ANKS1B: variants seen among roughly 807,000 people sequenced by gnomAD.
ANKS1B encodes ankyrin repeat and sterile alpha motif domain-containing protein 1B.
In ANKS1B, 36 loss-of-function variants were observed where a neutral mutation model predicts 148.3. That is an observed-to-expected ratio of 0.24 (90% CI 0.19 to 0.32). The LOEUF is 0.32. Among genes scored for constraint, ANKS1B ranks in the 10% least tolerant of loss-of-function variants. The probability of loss-of-function intolerance (pLI) is 1.00; values close to 1 mark genes in which losing one functional copy is unlikely to be tolerated. For missense variants in ANKS1B, 1,157 were observed against 1,542.6 expected, an observed-to-expected ratio of 0.75 and a Z score of 4.19; for synonymous variants, 542 against 560.8, an observed-to-expected ratio of 0.97 and a Z score of 0.47.
chr12:99,782,550 C>T (rs2064461732), intron 4 of ANKS1B, among the ~76,000 whole-genome samples: 1 of 151,876 alleles, frequency 6.6e-6, no homozygotes, highest in Admixed American at 6.6e-5. Context: ...CAGAGTGGGA[C>T]TCCATCTCAA....
chr12:99,660,651 C>T (rs1162677968), intron 8 of ANKS1B, among the ~76,000 whole-genome samples: 5 of 152,138 alleles, frequency 3.3e-5, no homozygotes, highest in Non-Finnish European at 1.5e-5. Flanking sequence ...GCATGGGCCA[C>T]CGTGCCTGGC....
chr12:99,154,372 C>CTGT lies in ANKS1B; in HGVS notation c.2440_2442dup (p.Thr814dup). The CTGT allele has an allele frequency of 6.2e-7, 1 of 1,613,746 alleles. No homozygotes were observed. The highest frequency in any genetic ancestry group is 8.5e-7 in the Non-Finnish European group (1 of 1,179,730). On this transcript the variant is annotated inframe_insertion, in exon 15 of 27. Transcript: ENST00000683438. ...CCAATGCTTTCCAACCATTGTCCCA[C>CTGT]TGTTTGGACAGGGCATCTGGGTCCT...
chr12:99,392,485 C>T (rs887257631), intron 12 of ANKS1B, among the ~76,000 whole-genome samples: 1 of 152,220 alleles, frequency 6.6e-6, no homozygotes, highest in Admixed American at 6.5e-5. Flanking sequence ...TTTCTCCTCC[C>T]ATCAGTTTTC....
rs148215941 is a variant in ANKS1B, at chr12:99,728,528, G to T, written c.1128+44394C>A. On this transcript the variant is annotated intron_variant, in intron 8 of 26. Coordinates refer to ENST00000683438, the MANE Select transcript of ANKS1B (RefSeq NM_001352186.2). ...AGGAACACTTTTACACTGTTGGTGG[G>T]AATGTAAATTAGTCCAACCATTGTG... Among the ~76,000 whole-genome samples the T allele has an allele frequency of 8.2e-3, 1,242 of 152,300 alleles. 19 individuals carry two copies. Among genetic ancestry groups the T allele is most frequent in the African/African-American group, 0.028 (1,183 of 41,564 alleles).
chr12:98,781,174 A>T lies in ANKS1B; in HGVS notation c.3384T>A (p.Pro1128=). The T allele has an allele frequency of 6.3e-7, 1 of 1,586,924 alleles. No homozygotes were observed. Among genetic ancestry groups the T allele is most frequent in the African/African-American group, 1.3e-5 (1 of 74,684 alleles). ...TATATGAGACAGAAAGAATAATAGT[A>T]GGGACCTTCTTCATTTGCTCTGTAG... ...QKSTEQMKKV[P]TIILSVSYKG... Residue 1128 remains proline (P), a synonymous_variant, in exon 24 of 27, where the codon CCT becomes CCA. Coordinates refer to ENST00000683438, the MANE Select transcript of ANKS1B (RefSeq NM_001352186.2).
In ANKS1B at chr12:99,928,967, G is replaced by A. The variant is rs920120376; in HGVS notation, c.134+55137C>T. ...GGAGTGATAAGTAAACTAGTTAGTA[G>A]AAGTATTAATAAAAATTTCAGGCCC... On this transcript the variant is annotated intron_variant, in intron 1 of 26. Coordinates refer to ENST00000683438, the MANE Select transcript of ANKS1B (RefSeq NM_001352186.2). Among the ~76,000 whole-genome samples, 3 of 152,134 alleles carry A rather than the reference G, an allele frequency of 2.0e-5. No individual in the cohort carries two copies. The South Asian group carries it at 6.2e-4, about 32-fold the overall frequency.
chr12:99,978,756 A>G (rs538102472), intron 1 of ANKS1B, among the ~76,000 whole-genome samples: 2 of 152,250 alleles, frequency 1.3e-5, no homozygotes, highest in East Asian at 1.9e-4. Flanking sequence ...AAAAATTATA[A>G]GCTCTCTGGT....
At chr12:99,819,123 C>G (rs911895719) in intron 2 of ANKS1B, among the ~76,000 whole-genome samples, 5 of 151,852 alleles carry the variant, frequency 3.3e-5, no homozygotes, top group Non-Finnish European at 7.4e-5. Flanking sequence ...TAATAAGGTC[C>G]TTTTGATTTC....
intron 15 of ANKS1B, among the ~76,000 whole-genome samples, chr12:99,147,310 C>T (rs2073466079): frequency 6.6e-6 from 1 of 152,096 alleles, no homozygotes; most frequent in Non-Finnish European, 1.5e-5. Context: ...GAAGATCATT[C>T]TTGGCAGAGA....
intron 11 of ANKS1B, among the ~76,000 whole-genome samples, chr12:99,401,965 C>T (rs746279927): frequency 1.4e-5 from 2 of 146,496 alleles, no homozygotes; most frequent in Non-Finnish European, 3.0e-5. Flanking sequence ...TGACTGCCCT[C>T]GTACTATAAT....
At chr12:99,919,248 T>C (rs1400096557) in intron 1 of ANKS1B, among the ~76,000 whole-genome samples, 1 of 152,184 alleles carries the variant, frequency 6.6e-6, no homozygotes, top group Non-Finnish European at 1.5e-5. Flanking sequence ...ACCTGCTATG[T>C]GGCCTAGGAC....
intron 10 of ANKS1B, among the ~76,000 whole-genome samples, chr12:99,467,356 A>G (rs866601156): frequency 1.3e-5 from 2 of 152,230 alleles, no homozygotes; most frequent in Non-Finnish European, 2.9e-5. Flanking sequence ...AAAAACTGGA[A>G]GCATTCCCTT....
At chr12:99,165,363 C>G (rs2077093849) in intron 14 of ANKS1B, among the ~76,000 whole-genome samples, 1 of 151,730 alleles carries the variant, frequency 6.6e-6, no homozygotes, top group African/African-American at 2.4e-5. Flanking sequence ...ATTAGTCCAA[C>G]TGGTAAATCT....
chr12:98,884,031 G>A (rs986374168), intron 17 of ANKS1B, among the ~76,000 whole-genome samples: 9 of 152,084 alleles, frequency 5.9e-5, no homozygotes, highest in Admixed American at 3.3e-4. Flanking sequence ...AGATGTATAC[G>A]TAGATTCACA....
rs144713111 is a variant in ANKS1B, at chr12:99,950,936, T to C, written c.134+33168A>G. 2.7e-3 allele frequency among the ~76,000 whole-genome samples: 412 copies of C among 152,342 alleles called. 1 individual carries two copies. Among genetic ancestry groups the C allele is most frequent in the African/African-American group, 9.5e-3 (396 of 41,586 alleles). On this transcript the variant is annotated intron_variant, in intron 1 of 26. Coordinates refer to ENST00000683438, the MANE Select transcript of ANKS1B (RefSeq NM_001352186.2). ...GCTTTCTATGAAATCACACATAAGATATAAATTGTTTAATCCTTCCAGGAC... is the reference window on the plus strand; with the variant it reads ...GCTTTCTATGAAATCACACATAAGACATAAATTGTTTAATCCTTCCAGGAC...
chr12:98,889,147 C>T (rs2099746669), intron 17 of ANKS1B, among the ~76,000 whole-genome samples: 1 of 152,162 alleles, frequency 6.6e-6, no homozygotes, highest in Non-Finnish European at 1.5e-5. Flanking sequence ...ACAAAGTCTA[C>T]TGGACCCATA....
intron 12 of ANKS1B, among the ~76,000 whole-genome samples, chr12:99,388,924 G>A (rs2093967756): frequency 6.6e-6 from 1 of 152,178 alleles, no homozygotes; most frequent in Non-Finnish European, 1.5e-5. Context: ...AGTGATTGGA[G>A]ACCTTAATTA....
At chr12:98,842,046 T>C (rs1237686637) in intron 17 of ANKS1B, among the ~76,000 whole-genome samples, 1 of 152,170 alleles carries the variant, frequency 6.6e-6, no homozygotes, top group Non-Finnish European at 1.5e-5. Flanking sequence ...TTCTAACATA[T>C]AACCCAGCAA....
intron 8 of ANKS1B, among the ~76,000 whole-genome samples, chr12:99,754,267 G>T (rs1175341308): frequency 3.3e-5 from 5 of 151,938 alleles, no homozygotes; most frequent in African/African-American, 7.3e-5. Context: ...ACAAAAGAGG[G>T]CATTACATAA....
Sources: allele counts gnomAD v4.1 joint callset (sites outside exome capture counted in the v4.1 genomes callset), GRCh38; gene constraint gnomAD v4.1.1; transcripts MANE v1.5; gene names NCBI Gene and HGNC (gene_info 2026-07-23, HGNC 2026-07-21).